The following PRMT3 variants were observed in gnomAD, a reference collection of about 807,000 sequenced individuals.
PRMT3 encodes protein arginine methyltransferase 3.
A neutral mutation model predicts 71.9 loss-of-function variants in PRMT3; 62 were observed. That is an observed-to-expected ratio of 0.86 (90% CI 0.70 to 1.07). The LOEUF is 1.07. PRMT3 is among the 50% of genes least tolerant of loss of function. The pLI is 0.00. For missense variants in PRMT3, 663 were observed against 643.0 expected (o/e 1.03, Z -0.34); for synonymous variants, 213 against 220.4 (o/e 0.97, Z 0.30).
chr11:20,480,226 G>A (rs1305160924), intron 13 of PRMT3, among the ~76,000 whole-genome samples: 1 of 152,118 alleles, frequency 6.6e-6, no homozygotes, highest in Non-Finnish European at 1.5e-5. Flanking sequence ...TCTTGATCTG[G>A]GTAGTGGTTA....
At chr11:20,494,484 C>G (rs1851288376) in intron 15 of PRMT3, among the ~76,000 whole-genome samples, 1 of 152,138 alleles carries the variant, frequency 6.6e-6, no homozygotes, top group Non-Finnish European at 1.5e-5. Context: ...CAGGCACACA[C>G]CACCACACCC....
rs776973192 is a variant in PRMT3 at position 20,389,709 on chromosome 11, G to T, written c.165-35G>T. On this transcript the variant is annotated intron_variant, in intron 2 of 15. Coordinates refer to ENST00000331079, the MANE Select transcript of PRMT3 (RefSeq NM_005788.4). ...GAAATCAGTATTTAGACTTCTTAGG[G>T]GACTATTCCATGAAGCTATTGCTTG... 3 of 1,437,850 alleles carry T rather than the reference G, an allele frequency of 2.1e-6. No homozygotes were observed. The South Asian group carries it at 3.5e-5, about 17-fold the overall frequency. The allele number at this position is 1,437,850 out of a possible 1,614,324, so 89.1% of individuals were successfully genotyped here.
Position 20,508,370 on chromosome 11 carries a change from C to T in PRMT3, c.1553C>T (p.Thr518Ile). 6.2e-7 allele frequency: 1 copy of T among 1,610,968 alleles called. No individual in the cohort carries two copies. ...AAAGATCCACGTTCTCTCACCGTGA[C>T]CCTCACGTTGAATAATTCAACTCAA... ...NKKDPRSLTV[T>I]LTLNNSTQTY... is the part of the protein sequence containing the mutation. The change falls in exon 16 of 16, where the codon ACC (threonine) becomes ATC (isoleucine). Residue 518 changes from threonine (T) to isoleucine (I), a missense_variant. Transcript: ENST00000331079.
At chr11:20,500,479 T>C (rs1045548225) in intron 15 of PRMT3, among the ~76,000 whole-genome samples, 1 of 152,226 alleles carries the variant, frequency 6.6e-6, no homozygotes, top group East Asian at 1.9e-4. Flanking sequence ...CTTTATGCTG[T>C]GTTATTTCTA....
chr11:20,486,243 G>C (rs1851068026), intron 13 of PRMT3, among the ~76,000 whole-genome samples: 1 of 152,116 alleles, frequency 6.6e-6, no homozygotes, highest in Non-Finnish European at 1.5e-5. Context: ...TTGTAATGAT[G>C]GTTACACAAC....
chr11:20,486,838 C>T (rs1851085411), intron 13 of PRMT3, among the ~76,000 whole-genome samples: 1 of 152,044 alleles, frequency 6.6e-6, no homozygotes, highest in South Asian at 2.1e-4. Context: ...AGGCAGGTGG[C>T]TTGAGGTCAG....
chr11:20,438,548 G>T (rs2119994), intron 10 of PRMT3, among the ~76,000 whole-genome samples: 2 of 152,024 alleles, frequency 1.3e-5, no homozygotes, highest in African/African-American at 4.8e-5. Flanking sequence ...GTAGGGTGGG[G>T]TGTCTCAGCT....
chr11:20,452,756 T>A (rs1192466860), intron 11 of PRMT3, among the ~76,000 whole-genome samples: 4 of 152,164 alleles, frequency 2.6e-5, no homozygotes, highest in Admixed American at 2.6e-4. Flanking sequence ...TGGAAAACAT[T>A]TAATCATATT....
At position 20,508,532 on chromosome 11, in the gene PRMT3, T is replaced by C; in HGVS notation, c.*119T>C. ...ATGATGGACCCTTTCCTAATGAGCC[T>C]CCTCAATAAGAGAGAAGTTCTCATT... On this transcript the variant is annotated 3_prime_UTR_variant, in exon 16 of 16. Transcript: ENST00000331079. The C allele has an allele frequency of 2.7e-6, 2 of 745,064 alleles. No homozygotes were observed. The highest frequency in any genetic ancestry group is 2.9e-5 in the South Asian group (2 of 68,696). 46.2% of individuals were successfully genotyped at this position (745,064 alleles called of 1,614,324 possible). A position where few individuals can be genotyped will look rare whatever the true frequency, so the allele number is the denominator to read the frequency against.
intron 10 of PRMT3, among the ~76,000 whole-genome samples, chr11:20,446,126 T>C (rs1244062461): frequency 6.6e-6 from 1 of 152,146 alleles, no homozygotes; most frequent in Middle Eastern, 3.2e-3. Flanking sequence ...CAGGGTGTGC[T>C]GCTCTTACAT....
At chr11:20,413,190 G>T (rs1849232141) in intron 9 of PRMT3, among the ~76,000 whole-genome samples, 1 of 152,042 alleles carries the variant, frequency 6.6e-6, no homozygotes, top group Non-Finnish European at 1.5e-5. Context: ...TTTTTATAGT[G>T]TTCTTATGTG....
chr11:20,452,548 C>T (rs1354113216), intron 11 of PRMT3, among the ~76,000 whole-genome samples: 2 of 152,024 alleles, frequency 1.3e-5, no homozygotes, highest in Non-Finnish European at 2.9e-5. Context: ...ATTTAGTTCC[C>T]TTTTTTCCCA....
In PRMT3 at chr11:20,465,601, A is replaced by T. The variant is rs917678965; in HGVS notation, c.1347+1055A>T. Among the ~76,000 whole-genome samples the T allele has an allele frequency of 8.5e-5, 13 of 152,094 alleles. No individual in the cohort carries two copies. The East Asian group carries it at 2.3e-3, about 27-fold the overall frequency. ...ATTTTATATCCAAATAAGTTTAACAATGTACTTTGATGTTTTGAGGGAATC... is the reference window on the plus strand; with the variant it reads ...ATTTTATATCCAAATAAGTTTAACATTGTACTTTGATGTTTTGAGGGAATC... On this transcript the variant is annotated intron_variant, in intron 13 of 15. Coordinates refer to ENST00000331079, the MANE Select transcript of PRMT3 (RefSeq NM_005788.4).
chr11:20,441,263 T>TTTATTTA (rs1849890255), intron 10 of PRMT3, among the ~76,000 whole-genome samples: 1 of 138,126 alleles, frequency 7.2e-6, no homozygotes, highest in Non-Finnish European at 1.6e-5. Context: ...GTTACTAACT[T>TTTATTTA]TTTATTTATT....
chr11:20,388,107 A>G lies in PRMT3; in HGVS notation c.117A>G (p.Ala39=), dbSNP rs766417573. 5.1e-5 allele frequency: 83 copies of G among 1,613,918 alleles called. No homozygotes were observed. Among genetic ancestry groups the G allele is most frequent in the Non-Finnish European group, 6.6e-5 (78 of 1,179,986 alleles). Residue 39 remains alanine, a synonymous_variant, in exon 2 of 16, where the codon GCA becomes GCG. Transcript: ENST00000331079. ...DEAAWEDEDD[A]DLPHGKQQTP... ...CCGCCTGGGAGGATGAGGACGATGCAGATCTCCCCCACGGCAAGCAGCAGA... is the reference window on the plus strand; with the variant it reads ...CCGCCTGGGAGGATGAGGACGATGCGGATCTCCCCCACGGCAAGCAGCAGA...
At chr11:20,487,761 G>GT (rs1851110917) in intron 13 of PRMT3, among the ~76,000 whole-genome samples, 2 of 152,178 alleles carry the variant, frequency 1.3e-5, no homozygotes, top group African/African-American at 4.8e-5. Context: ...GAAATGTGAG[G>GT]TATCAATTTA....
Position 20,402,917 on chromosome 11 carries a change from A to G in PRMT3, c.706-2A>G, listed in dbSNP as rs1182316172. 1.2e-6 allele frequency: 2 copies of G among 1,606,504 alleles called. No homozygotes were observed. Among genetic ancestry groups the G allele is most frequent in the Non-Finnish European group, 8.5e-7 (1 of 1,173,236 alleles). On this transcript the variant is annotated splice_acceptor_variant, in intron 7 of 15. Transcript: ENST00000331079. LOFTEE classifies it high-confidence loss of function. ...CACAGCGTTTTCCTCTCTCCACCCT[A>G]GGACAAAATACGAACAGAAAGCTAC...
intron 15 of PRMT3, among the ~76,000 whole-genome samples, chr11:20,497,159 C>A (rs1281734351): frequency 6.6e-6 from 1 of 151,446 alleles, no homozygotes; most frequent in Non-Finnish European, 1.5e-5. Context: ...GAGTTTGATT[C>A]TCAAAATTTT....
At chr11:20,410,175 C>T (rs903213082) in intron 9 of PRMT3, among the ~76,000 whole-genome samples, 5 of 151,952 alleles carry the variant, frequency 3.3e-5, no homozygotes, top group African/African-American at 9.7e-5. Flanking sequence ...TAAAATTCAT[C>T]GTTTATAATA....
Sources: gnomAD v4.1 joint callset for allele counts (sites outside exome capture counted in the v4.1 genomes callset) on GRCh38, gnomAD v4.1.1 for gene constraint, MANE v1.5 for transcripts, NCBI Gene and HGNC (gene_info 2026-07-23, HGNC 2026-07-21) for gene names.